The following EYS variants were observed in gnomAD, a reference collection of about 807,000 sequenced individuals.
The protein encoded by EYS is protein eyes shut homolog.
In EYS, 250 loss-of-function variants were observed where a neutral mutation model predicts 282.1. The ratio of observed to expected loss-of-function variants is 0.89; its 90% CI spans 0.80 to 0.98. EYS has a LOEUF of 0.98. EYS is among the 50% of genes least tolerant of loss of function. The pLI is 0.00. For synonymous variants in EYS, 1,355 were observed against 1,282.9 expected, an observed-to-expected ratio of 1.06 and a Z score of -1.20; for missense variants, 4,016 against 3,709.0, an observed-to-expected ratio of 1.08 and a Z score of -2.15.
intron 35 of EYS, among the ~76,000 whole-genome samples, chr6:63,874,961 A>G (rs1242248488): frequency 6.6e-6 from 1 of 152,090 alleles, no homozygotes; most frequent in Non-Finnish European, 1.5e-5. Context: ...AATACTCTTT[A>G]TTTCTTTCTC....
chr6:64,306,596 T>G (rs1769453926), intron 30 of EYS, among the ~76,000 whole-genome samples: 1 of 152,156 alleles, frequency 6.6e-6, no homozygotes, highest in South Asian at 2.1e-4. Flanking sequence ...GACAACTTTT[T>G]GAGAGTGATA....
intron 2 of EYS, among the ~76,000 whole-genome samples, chr6:65,613,919 T>A (rs1266598882): frequency 6.6e-6 from 1 of 151,936 alleles, no homozygotes; most frequent in Non-Finnish European, 1.5e-5. Flanking sequence ...ATTTAGATTA[T>A]GAAATAAAAG....
rs747955176 is a variant in EYS, at chr6:64,388,649, T to C, written c.6078+41A>G. On this transcript the variant is annotated intron_variant, in intron 29 of 42. Coordinates refer to ENST00000503581, the MANE Select transcript of EYS (RefSeq NM_001142800.2). ...TATCAATATGATGATTTTCAATAAT[T>C]ATTTTCAATAATTAATATTTTAAAA... 1.8e-5 allele frequency: 25 copies of C among 1,391,210 alleles called. No individual in the cohort carries two copies. The South Asian group carries it at 3.7e-4, about 21-fold the overall frequency. 86.2% of individuals were successfully genotyped at this position (1,391,210 alleles called of 1,614,324 possible).
chr6:64,340,008 C>T (rs78073222), intron 29 of EYS, among the ~76,000 whole-genome samples: 2,616 of 150,714 alleles, frequency 0.017, 66 homozygotes, highest in African/African-American at 0.06. Context: ...AGAACTTACT[C>T]ATCTCATCAA....
intron 12 of EYS, among the ~76,000 whole-genome samples, chr6:65,086,856 G>C (rs1416936431): frequency 6.6e-6 from 1 of 150,828 alleles, no homozygotes; most frequent in African/African-American, 2.4e-5. Flanking sequence ...ACGGAGTCTT[G>C]CTCTGTCGCC....
At position 63,720,523 on chromosome 6, in the gene EYS, C is replaced by T; in HGVS notation, c.*73G>A. On this transcript the variant is annotated 3_prime_UTR_variant, in exon 43 of 43. Coordinates refer to ENST00000503581, the MANE Select transcript of EYS (RefSeq NM_001142800.2). ...TAGTAAACAGTTGATTCCCCGTAAG[C>T]AATGTATCAAAGAAATAACTATCAA... 1.8e-6 allele frequency: 2 copies of T among 1,096,016 alleles called. No individual in the cohort carries two copies. The highest frequency in any genetic ancestry group is 1.3e-6 in the Non-Finnish European group (1 of 786,872). The allele number at this position is 1,096,016 out of a possible 1,614,324, so 67.9% of individuals were successfully genotyped here.
chr6:64,223,245 A>G (rs1766155331), intron 31 of EYS, among the ~76,000 whole-genome samples: 1 of 152,034 alleles, frequency 6.6e-6, no homozygotes. Flanking sequence ...GTATATAAGA[A>G]ATTATAATGA....
intron 37 of EYS, among the ~76,000 whole-genome samples, chr6:63,798,998 T>TA (rs1447622817): frequency 7.4e-6 from 1 of 134,638 alleles, no homozygotes; most frequent in African/African-American, 3.0e-5. Flanking sequence ...TATATATATA[T>TA]ATATATATAT....
At chr6:64,390,119 T>C (rs1210998755) in intron 28 of EYS, among the ~76,000 whole-genome samples, 1 of 151,184 alleles carries the variant, frequency 6.6e-6, no homozygotes, top group Admixed American at 6.6e-5. Context: ...GCTCCGAGGG[T>C]CCTACGCCCA....
intron 13 of EYS, among the ~76,000 whole-genome samples, chr6:65,003,262 G>A (rs1174988731): frequency 1.4e-5 from 2 of 147,150 alleles, no homozygotes; most frequent in Admixed American, 6.8e-5. Context: ...CCCCCTGGGC[G>A]TGGCCATCTC....
chr6:64,314,128 A>C (rs1769837469), intron 29 of EYS, among the ~76,000 whole-genome samples: 2 of 139,492 alleles, frequency 1.4e-5, no homozygotes, highest in South Asian at 2.5e-4. Flanking sequence ...GACCCATTTC[A>C]TGTGCAGAGA....
intron 14 of EYS, among the ~76,000 whole-genome samples, chr6:64,995,644 T>C (rs1010573866): frequency 6.6e-6 from 1 of 152,162 alleles, no homozygotes; most frequent in African/African-American, 2.4e-5. Flanking sequence ...AGTCTCCTTA[T>C]GTTAAAATAT....
At chr6:64,580,853 G>A (rs1766037996) in intron 26 of EYS, among the ~76,000 whole-genome samples, 1 of 152,048 alleles carries the variant, frequency 6.6e-6, no homozygotes, top group Admixed American at 6.6e-5. Context: ...CTGAATGAGA[G>A]AATTCCTAAA....
chr6:64,752,520 A>G (rs545326612), intron 22 of EYS, among the ~76,000 whole-genome samples: 1 of 152,316 alleles, frequency 6.6e-6, no homozygotes, highest in African/African-American at 2.4e-5. Context: ...TAAAGTGTCC[A>G]ATCTTATGAG....
At chr6:64,952,386 G>T (rs551775621) in intron 14 of EYS, among the ~76,000 whole-genome samples, 1 of 152,104 alleles carries the variant, frequency 6.6e-6, no homozygotes, top group South Asian at 2.1e-4. Context: ...AGGCACATCA[G>T]AAATAATGCT....
At chr6:64,543,313 A>T (rs1371315399) in intron 26 of EYS, among the ~76,000 whole-genome samples, 1 of 152,166 alleles carries the variant, frequency 6.6e-6, no homozygotes, top group Non-Finnish European at 1.5e-5. Flanking sequence ...ACAGACTTTA[A>T]AAAACAGTAT....
At chr6:64,947,464 C>G (rs566921913) in intron 14 of EYS, among the ~76,000 whole-genome samples, 43 of 151,834 alleles carry the variant, frequency 2.8e-4, no homozygotes, top group African/African-American at 1.0e-3. Flanking sequence ...TGAGAGCCAC[C>G]TTTTCAACAT....
At chr6:65,462,561 G>A (rs897876297) in intron 5 of EYS, among the ~76,000 whole-genome samples, 1 of 151,858 alleles carries the variant, frequency 6.6e-6, no homozygotes, top group East Asian at 1.9e-4. Context: ...TATTTGTAGT[G>A]TATTATTTAC....
chr6:63,921,506 G>A (rs534406899), intron 35 of EYS, among the ~76,000 whole-genome samples: 15 of 152,196 alleles, frequency 9.9e-5, no homozygotes, highest in Non-Finnish European at 1.9e-4. Flanking sequence ...GGGTGACTGG[G>A]TTTGGACATA....
Sources: allele counts gnomAD v4.1 joint callset (sites outside exome capture counted in the v4.1 genomes callset), GRCh38; gene constraint gnomAD v4.1.1; transcripts MANE v1.5; gene names NCBI Gene and HGNC (gene_info 2026-07-23, HGNC 2026-07-21).